SPRY4: variants seen among roughly 807,000 people sequenced by gnomAD.
SPRY4 encodes the protein sprouty RTK signaling antagonist 4, also known as protein sprouty homolog 4.
SPRY4 carries 7 observed loss-of-function variants against 17.0 expected under a neutral mutation model. The observed-to-expected ratio is 0.41, with a 90% CI of 0.23 to 0.77. SPRY4 has a LOEUF of 0.77. Among genes scored for constraint, SPRY4 ranks in the 30% least tolerant of loss-of-function variants. The pLI, the probability that SPRY4 is intolerant of heterozygous loss-of-function variation, is 0.32. For missense variants in SPRY4, 435 were observed against 419.9 expected, an observed-to-expected ratio of 1.04 and a Z score of -0.31; for synonymous variants, 183 against 174.1, an observed-to-expected ratio of 1.05 and a Z score of -0.40.
At chr5:142,322,484 A>AATATATATATG (rs1554100324) in intron 1 of SPRY4, among the ~76,000 whole-genome samples, 13 of 103,170 alleles carry the variant, frequency 1.3e-4, no homozygotes, top group African/African-American at 2.3e-4. Flanking sequence ...AAAAAAAAAA[A>AATATATATATG]TATATATATA....
At position 142,314,090 on chromosome 5, in the gene SPRY4, T is replaced by G; in HGVS notation, c.*119A>C. On this transcript the variant is annotated 3_prime_UTR_variant, in exon 2 of 2. Transcript: ENST00000434127. This position sits in a 1 kb window ranked among gnomAD's most constrained non-coding sequence, Gnocchi z 4.8. Reference sequence around the variant, plus strand: ...ATTTTCCGAAGCTGGGGGTAGGGAGTGGGCAGACTAGCAAGGTCAGCCTCA... The same window carrying G: ...ATTTTCCGAAGCTGGGGGTAGGGAGGGGGCAGACTAGCAAGGTCAGCCTCA... 1 of 1,052,792 alleles carries G rather than the reference T, an allele frequency of 9.5e-7. No individual in the cohort carries two copies. The highest frequency in any genetic ancestry group is 1.3e-6 in the Non-Finnish European group (1 of 746,410). 65.2% of individuals were successfully genotyped at this position (1,052,792 alleles called of 1,614,324 possible). A position where few individuals can be genotyped will look rare whatever the true frequency, so the allele number is the denominator to read the frequency against.
intron 1 of SPRY4, among the ~76,000 whole-genome samples, chr5:142,321,906 T>G (rs1295077080): frequency 6.6e-6 from 1 of 152,208 alleles, no homozygotes; most frequent in Non-Finnish European, 1.5e-5. Flanking sequence ...CCCTGTAAAC[T>G]GGAATCCCCA....
intron 1 of SPRY4, among the ~76,000 whole-genome samples, chr5:142,322,650 T>C (rs1759385385): frequency 6.6e-6 from 1 of 151,960 alleles, no homozygotes; most frequent in Non-Finnish European, 1.5e-5. Flanking sequence ...GTCATGGAGC[T>C]GGGCAGGAGG....
In SPRY4 at chr5:142,314,558, T is replaced by A; in HGVS notation, c.551A>T (p.Gln184Leu). The change falls in exon 2 of 2, where the codon CAG (glutamine) becomes CTG (leucine). Residue 184 changes from glutamine to leucine, a missense_variant. By Grantham distance (113) the Gln-to-Leu change is moderately radical. Transcript: ENST00000434127. This position sits in a 1 kb window ranked among gnomAD's most constrained non-coding sequence, Gnocchi z 4.8. ...AGTCTGGGCTGAGCACAGGCACTCC[T>A]GGTTGCAGACCCAGCAGGAAGGCAA... ...RTLPSCWVCN[Q>L]ECLCSAQTLV... The A allele has an allele frequency of 1.9e-6, 3 of 1,614,256 alleles. No individual in the cohort carries two copies. The highest frequency in any genetic ancestry group is 2.5e-6 in the Non-Finnish European group (3 of 1,180,042).
In SPRY4 at chr5:142,310,559, C is replaced by G. The variant is rs555225352; in HGVS notation, c.*3650G>C. On this transcript the variant is annotated 3_prime_UTR_variant, in exon 2 of 2. Coordinates refer to ENST00000434127, the MANE Select transcript of SPRY4 (RefSeq NM_001127496.3). ...AATAGTAGACTTTCTAAAATAAATA[C>G]TATTAAAATAGAGCTTCAAAATAAA... 6.6e-6 allele frequency: 1 copy of G among 152,378 alleles called. No homozygotes were observed. The highest frequency in any genetic ancestry group is 2.4e-5 in the African/African-American group (1 of 41,420). 9.4% of individuals were successfully genotyped at this position (152,378 alleles called of 1,614,324 possible). A position where few individuals can be genotyped will look rare whatever the true frequency, so the allele number is the denominator to read the frequency against.
At position 142,314,317 on chromosome 5, in the gene SPRY4, G is replaced by A; in HGVS notation, c.792C>T (p.Gly264=). The A allele has an allele frequency of 6.2e-7, 1 of 1,614,008 alleles. No homozygotes were observed. Among genetic ancestry groups the A allele is most frequent in the Non-Finnish European group, 8.5e-7 (1 of 1,179,970 alleles). The part of the protein sequence containing the change: ...ATGCVKLAQR[G]YDRLRRPGCR... ...AACCAGGGCGGCGCAGACGGTCGTA[G>A]CCACGCTGGGCCAGCTTCACGCAGC... The change falls in exon 2 of 2, where the codon GGC becomes GGT. Residue 264 remains glycine, a synonymous_variant. Coordinates refer to ENST00000434127, the MANE Select transcript of SPRY4 (RefSeq NM_001127496.3). The surrounding 1 kb of genome is among the most constrained non-coding windows in gnomAD (Gnocchi z 4.8).
rs545592714 is a variant in SPRY4, at chr5:142,314,931, G to C, written c.178C>G (p.Leu60Val). 2 of 1,613,374 alleles carry C rather than the reference G, an allele frequency of 1.2e-6. No homozygotes were observed. The highest frequency in any genetic ancestry group is 1.7e-6 in the Non-Finnish European group (2 of 1,179,396). Residue 60 changes from leucine to valine, a missense_variant, in exon 2 of 2, where the codon CTG (leucine) becomes GTG (valine). Physicochemically the swap from Leu to Val is conservative, Grantham distance 32. Coordinates refer to ENST00000434127, the MANE Select transcript of SPRY4 (RefSeq NM_001127496.3). This position sits in a 1 kb window ranked among gnomAD's most constrained non-coding sequence, Gnocchi z 4.8. ...NDYIDNPSLA[L>V]TTGPKRTRGG... ...CGGGTCCGCTTTGGGCCGGTGGTCA[G>C]GGCCAGGCTAGGGTTGTCTATGTAG...
intron 1 of SPRY4, chr5:142,315,604 T>G (rs768355886): frequency 8.2e-5 from 13 of 158,940 alleles, no homozygotes; most frequent in Non-Finnish European, 1.5e-4. Context: ...CATAGCTCAG[T>G]GGATGTAAAC....
intron 1 of SPRY4, chr5:142,319,695 G>A (rs370447202): frequency 1.2e-5 from 19 of 1,595,628 alleles, no homozygotes; most frequent in Middle Eastern, 2.2e-4. Context: ...GCTGCTTGGC[G>A]GGTCTGGGAG....
chr5:142,316,478 T>C (rs558154243), intron 1 of SPRY4, among the ~76,000 whole-genome samples: 1 of 152,082 alleles, frequency 6.6e-6, no homozygotes, highest in South Asian at 2.1e-4. Flanking sequence ...AAGATTACAC[T>C]CTGGGAAGAT....
intron 1 of SPRY4, among the ~76,000 whole-genome samples, chr5:142,323,268 G>A (rs1292915103): frequency 7.3e-6 from 1 of 136,542 alleles, no homozygotes; most frequent in Non-Finnish European, 1.6e-5. Context: ...TTAGTGCCTC[G>A]GTCAGCTACA....
At chr5:142,320,157 T>C (rs6895984) in intron 1 of SPRY4, among the ~76,000 whole-genome samples, 1,999 of 152,286 alleles carry the variant, frequency 0.013, 45 homozygotes, top group African/African-American at 0.042. Context: ...AACCAAATAA[T>C]GACTTATTGC....
In SPRY4 at chr5:142,314,755, T is replaced by C; in HGVS notation, c.354A>G (p.Pro118=). The change falls in exon 2 of 2, where the codon CCA becomes CCG. Residue 118 remains proline (P), a synonymous_variant. Coordinates refer to ENST00000434127, the MANE Select transcript of SPRY4 (RefSeq NM_001127496.3). This position sits in a 1 kb window ranked among gnomAD's most constrained non-coding sequence, Gnocchi z 4.8. ...TTGGTGAGGCCTGGTCAGCCACGGG[T>C]GGTGGTGCCATGTGGTCTAAGAGCC... ...DQRLLDHMAP[P]PVADQASPRA... is the part of the protein sequence containing the mutation. 9.3e-6 allele frequency: 15 copies of C among 1,604,926 alleles called. No individual in the cohort carries two copies. Among genetic ancestry groups the C allele is most frequent in the Non-Finnish European group, 1.3e-5 (15 of 1,172,818 alleles).
intron 1 of SPRY4, among the ~76,000 whole-genome samples, chr5:142,321,577 T>TAC (rs1365464768): frequency 6.6e-6 from 1 of 152,198 alleles, no homozygotes; most frequent in Non-Finnish European, 1.5e-5. Context: ...CTGTCATGTC[T>TAC]ACATTCAAAA....
In SPRY4 at chr5:142,311,067, T is replaced by G. The variant is rs1484242126; in HGVS notation, c.*3142A>C. The G allele has an allele frequency of 1.3e-5, 2 of 152,206 alleles. No individual in the cohort carries two copies. Among genetic ancestry groups the G allele is most frequent in the Non-Finnish European group, 2.9e-5 (2 of 68,056 alleles). 9.4% of individuals were successfully genotyped at this position (152,206 alleles called of 1,614,324 possible). ...GCCTCACTCGAGGTATGATGGCGACTGACAGGCTCCACAAGGCTGAAAAGA... is the reference window on the plus strand; with the variant it reads ...GCCTCACTCGAGGTATGATGGCGACGGACAGGCTCCACAAGGCTGAAAAGA... On this transcript the variant is annotated 3_prime_UTR_variant, in exon 2 of 2. Transcript: ENST00000434127.
At position 142,314,097 on chromosome 5, in the gene SPRY4, A is replaced by G; in HGVS notation, c.*112T>C. 1 of 1,165,580 alleles carries G rather than the reference A, an allele frequency of 8.6e-7. No individual in the cohort carries two copies. Among genetic ancestry groups the G allele is most frequent in the Non-Finnish European group, 1.2e-6 (1 of 843,596 alleles). 72.2% of individuals were successfully genotyped at this position (1,165,580 alleles called of 1,614,324 possible). A position where few individuals can be genotyped will look rare whatever the true frequency, so the allele number is the denominator to read the frequency against. On this transcript the variant is annotated 3_prime_UTR_variant, in exon 2 of 2. Transcript: ENST00000434127. This position sits in a 1 kb window ranked among gnomAD's most constrained non-coding sequence, Gnocchi z 4.8. ...GAAGCTGGGGGTAGGGAGTGGGCAG[A>G]CTAGCAAGGTCAGCCTCAGGAGGCT...
At chr5:142,323,353 G>C (rs969667397) in intron 1 of SPRY4, among the ~76,000 whole-genome samples, 10 of 152,204 alleles carry the variant, frequency 6.6e-5, no homozygotes, top group African/African-American at 2.4e-4. Flanking sequence ...TCCCAAAACT[G>C]GAGAGAATCA....
chr5:142,323,042 A>T (rs1596876800), intron 1 of SPRY4, among the ~76,000 whole-genome samples: 2 of 126,622 alleles, frequency 1.6e-5, no homozygotes, highest in African/African-American at 6.1e-5. Context: ...ACCCGCCCTA[A>T]AAAAAAAAAA....
intron 1 of SPRY4, among the ~76,000 whole-genome samples, chr5:142,323,303 C>T (rs1362913307): frequency 6.6e-6 from 1 of 152,218 alleles, no homozygotes; most frequent in East Asian, 1.9e-4. Context: ...CTTGCTCCCG[C>T]CCCTCTGCAA....
Sources: allele counts gnomAD v4.1 joint callset (sites outside exome capture counted in the v4.1 genomes callset), GRCh38; gene constraint gnomAD v4.1.1; non-coding constraint Gnocchi (gnomAD v3.1); transcripts MANE v1.5; gene names NCBI Gene and HGNC (gene_info 2026-07-23, HGNC 2026-07-21).